NREP: variants seen among roughly 807,000 people sequenced by gnomAD.
NREP encodes the protein neuronal regeneration related protein.
NREP carries 5 observed loss-of-function variants against 8.6 expected under a neutral mutation model. The ratio of observed to expected loss-of-function variants is 0.58; its 90% CI spans 0.30 to 1.22. The LOEUF is 1.22. NREP is among the 50% of genes most tolerant of loss of function. The pLI is 0.07. For synonymous variants in NREP, 27 were observed against 28.0 expected (o/e 0.96, Z 0.11); for missense variants, 86 against 82.5 (o/e 1.04, Z -0.17).
At chr5:111,809,388 A>G (rs1369434053) in intron 2 of NREP, among the ~76,000 whole-genome samples, 1 of 152,200 alleles carries the variant, frequency 6.6e-6, no homozygotes, top group Non-Finnish European at 1.5e-5. Context: ...TGTCTCCTCC[A>G]AAATTCATGT....
At chr5:111,942,397 G>A (rs1056216716) in intron 2 of NREP, among the ~76,000 whole-genome samples, 8 of 151,970 alleles carry the variant, frequency 5.3e-5, no homozygotes, top group African/African-American at 1.9e-4. Context: ...GTTCCCTGGT[G>A]CGGCTTAAAA....
At chr5:111,897,387 T>C (rs17133862) in intron 2 of NREP, among the ~76,000 whole-genome samples, 10,755 of 152,218 alleles carry the variant, frequency 0.071, 904 homozygotes, top group East Asian at 0.24. Flanking sequence ...CTATATGTGA[T>C]GCCAAATGTT....
At chr5:111,877,105 T>A (rs1393798608) in intron 2 of NREP, among the ~76,000 whole-genome samples, 1 of 152,206 alleles carries the variant, frequency 6.6e-6, no homozygotes, top group African/African-American at 2.4e-5. Flanking sequence ...GTTACCGGTA[T>A]AACAAACCTA....
chr5:111,915,406 A>G (rs1313764313), intron 2 of NREP, among the ~76,000 whole-genome samples: 1 of 152,076 alleles, frequency 6.6e-6, no homozygotes, highest in Non-Finnish European at 1.5e-5. Context: ...AACCTGACCT[A>G]AGATACCAGC....
intron 2 of NREP, among the ~76,000 whole-genome samples, chr5:111,944,117 T>G (rs1360974020): frequency 6.6e-6 from 1 of 152,094 alleles, no homozygotes; most frequent in Non-Finnish European, 1.5e-5. Flanking sequence ...TCCAAAAGTC[T>G]TCTTAGTATA....
At chr5:111,871,331 G>C (rs998370431) in intron 2 of NREP, among the ~76,000 whole-genome samples, 1 of 152,048 alleles carries the variant, frequency 6.6e-6, no homozygotes, top group African/African-American at 2.4e-5. Context: ...AAGAGGTATG[G>C]TAAAGATAAA....
At chr5:111,759,336 T>C (rs962958035), upstream of NREP, among the ~76,000 whole-genome samples, 2 of 152,204 alleles carry the variant, frequency 1.3e-5, no homozygotes, top group Non-Finnish European at 2.9e-5. Context: ...AACACATACA[T>C]ACACAGGGAC....
chr5:111,898,644 A>T (rs936411274), intron 2 of NREP, among the ~76,000 whole-genome samples: 1 of 152,176 alleles, frequency 6.6e-6, no homozygotes, highest in Non-Finnish European at 1.5e-5. Flanking sequence ...CTCTGAAGCA[A>T]CTGTCTCCCC....
At chr5:111,770,554 CTTTTTTTTTTTTT>C (rs34538408) in intron 2 of NREP, among the ~76,000 whole-genome samples, 54 of 73,630 alleles carry the variant, frequency 7.3e-4, no homozygotes, top group African/African-American at 1.2e-3. Context: ...GAATTATTTC[CTTTTTTTTTTTTT>C]TTTTTTTTTT....
upstream of NREP, chr5:111,757,436 C>G: frequency 1.0e-6 from 1 of 984,662 alleles, no homozygotes; most frequent in South Asian, 4.7e-5. Context: ...GTCTCTCTCT[C>G]TCCCTTTCCC....
intron 2 of NREP, among the ~76,000 whole-genome samples, chr5:111,778,874 T>A (rs1438474518): frequency 6.6e-6 from 1 of 152,126 alleles, no homozygotes; most frequent in Non-Finnish European, 1.5e-5. Flanking sequence ...TTTAAGCAAG[T>A]TCTTTGGTTA....
At position 111,933,454 on chromosome 5, in the gene NREP, A is replaced by G. The variant is rs568506218; in HGVS notation, c.135+41820T>C. 3.3e-5 allele frequency among the ~76,000 whole-genome samples: 5 copies of G among 152,250 alleles called. No homozygotes were observed. In the East Asian group the frequency reaches 9.7e-4, roughly 29 times the overall value. On this transcript the variant is annotated intron_variant, in intron 2 of 3. Coordinates refer to the NREP transcript ENST00000395634. ...TTTTAGAAGATGGGATTCTAATACT[A>G]TAACAATTGCACCTTGGCCCTAGTG...
intron 2 of NREP, among the ~76,000 whole-genome samples, chr5:111,881,554 C>T (rs970800625): frequency 5.9e-5 from 9 of 152,288 alleles, no homozygotes; most frequent in South Asian, 2.1e-4. Flanking sequence ...CCCTGACCCC[C>T]AAGCAGTCTA....
At chr5:111,851,408 C>G (rs1753305920) in intron 2 of NREP, among the ~76,000 whole-genome samples, 1 of 152,032 alleles carries the variant, frequency 6.6e-6, no homozygotes, top group African/African-American at 2.4e-5. Context: ...CCTAAGGTTA[C>G]CAAAGTCATT....
intron 2 of NREP, among the ~76,000 whole-genome samples, chr5:111,828,884 G>C (rs1229831384): frequency 1.3e-5 from 2 of 152,166 alleles, no homozygotes; most frequent in African/African-American, 2.4e-5. Context: ...GAAGGTCACA[G>C]CCTGGTGGAC....
chr5:111,911,567 T>C (rs1044884766), intron 2 of NREP, among the ~76,000 whole-genome samples: 1 of 152,060 alleles, frequency 6.6e-6, no homozygotes, highest in Non-Finnish European at 1.5e-5. Context: ...ATATGTTATA[T>C]GCTTGGACTT....
intron 2 of NREP, among the ~76,000 whole-genome samples, chr5:111,752,612 A>C (rs527667961): frequency 6.6e-6 from 1 of 152,232 alleles, no homozygotes; most frequent in Admixed American, 6.5e-5. Flanking sequence ...ATGCCACTTC[A>C]CAAACTATAC....
chr5:111,831,800 G>T (rs1348654196), intron 2 of NREP, among the ~76,000 whole-genome samples: 7 of 152,176 alleles, frequency 4.6e-5, no homozygotes, highest in African/African-American at 1.7e-4. Flanking sequence ...GGCAGCCTCA[G>T]GGAAGTCTGG....
At chr5:111,832,312 G>C (rs530742467) in intron 2 of NREP, among the ~76,000 whole-genome samples, 4 of 152,086 alleles carry the variant, frequency 2.6e-5, no homozygotes, top group East Asian at 1.9e-4. Flanking sequence ...GAGCTCATGA[G>C]TTAGGGACCA....
Sources: gnomAD v4.1 joint callset for allele counts (sites outside exome capture counted in the v4.1 genomes callset) on GRCh38, gnomAD v4.1.1 for gene constraint, MANE v1.5 for transcripts, NCBI Gene and HGNC (gene_info 2026-07-23, HGNC 2026-07-21) for gene names.